The following MYH13 variants were observed in gnomAD, a reference collection of about 807,000 sequenced individuals.
MYH13 encodes the protein myosin-13.
A neutral mutation model predicts 232.1 loss-of-function variants in MYH13; 177 were observed. The ratio of observed to expected loss-of-function variants is 0.76; its 90% CI spans 0.67 to 0.86. MYH13 has a LOEUF of 0.86. Among genes scored for constraint, MYH13 ranks in the 40% least tolerant of loss-of-function variants. The pLI, the probability that MYH13 is intolerant of heterozygous loss-of-function variation, is 0.00. For synonymous variants in MYH13, 884 were observed against 923.5 expected, an observed-to-expected ratio of 0.96 and a Z score of 0.78; for missense variants, 2,246 against 2,405.9, an observed-to-expected ratio of 0.93 and a Z score of 1.39.
intron 15 of MYH13, among the ~76,000 whole-genome samples, chr17:10,344,378 CA>C (rs2071644184): frequency 6.6e-6 from 1 of 151,798 alleles, no homozygotes; most frequent in Non-Finnish European, 1.5e-5. Context: ...AATAGGTGTA[CA>C]AAAAAGTAAA....
chr17:10,350,724 G>A, intron 11 of MYH13, 30 bp from the exon 12 acceptor site: 1 of 1,613,124 alleles, frequency 6.2e-7, no homozygotes, highest in Non-Finnish European at 8.5e-7. Context: ...AACTGTCATA[G>A]CAGGAATCAG....
chr17:10,319,003 G>A lies in MYH13; in HGVS notation c.3525C>T (p.Phe1175=), dbSNP rs771620103. 1 of 1,614,076 alleles carries A rather than the reference G, an allele frequency of 6.2e-7. No homozygotes were observed. The highest frequency in any genetic ancestry group is 8.5e-7 in the Non-Finnish European group (1 of 1,180,026). ...CCTCCAGGTCCCTGCGCATTTTCTG[G>A]AACTCAGCCTCCCTCTTCTTGTTCA... ...IEMNKKREAE[F]QKMRRDLEEA... is the part of the protein sequence containing the mutation. Residue 1175 remains phenylalanine, a synonymous_variant, in exon 27 of 41, where the codon TTC becomes TTT. Transcript: ENST00000252172.
At chr17:10,320,275 T>G (rs954621971) in intron 25 of MYH13, 32 bp from the exon 26 acceptor site, 8 of 1,599,062 alleles carry the variant, frequency 5.0e-6, no homozygotes, top group East Asian at 4.5e-5. Context: ...ATAAAGAACA[T>G]GAAATACAAG....
chr17:10,321,651 T>C lies in MYH13; in HGVS notation c.2992A>G (p.Lys998Glu), dbSNP rs751253408. The C allele has an allele frequency of 5.0e-6, 8 of 1,613,736 alleles. No individual in the cohort carries two copies. The Admixed American group carries it at 8.3e-5, about 17-fold the overall frequency. ...ALEENISKLT[K>E]EKKSLQEAHQ... Reference sequence around the variant, plus strand: ...GCCTCCTGTAGAGATTTCTTTTCTTTGGTCAATTTGGAAATGTTTTCTTCA... The same window carrying C: ...GCCTCCTGTAGAGATTTCTTTTCTTCGGTCAATTTGGAAATGTTTTCTTCA... The change falls in exon 24 of 41, where the codon AAA (lysine) becomes GAA (glutamate). Residue 998 changes from lysine (K) to glutamate (E), a missense_variant. Physicochemically the swap from Lys to Glu is moderately conservative, Grantham distance 56. Transcript: ENST00000252172.
chr17:10,307,083 A>G lies in MYH13; in HGVS notation c.5170-19T>C. ...TTGTGTTCTACAAGAAGAATTAGAT[A>G]TCAGGGGTGTGGGTTCTATTGGGGC... On this transcript the variant is annotated intron_variant, in intron 35 of 40. Coordinates refer to ENST00000252172, the MANE Select transcript of MYH13 (RefSeq NM_003802.3). The G allele has an allele frequency of 2.5e-6, 4 of 1,613,090 alleles. No homozygotes were observed. Among genetic ancestry groups the G allele is most frequent in the Non-Finnish European group, 8.5e-7 (1 of 1,179,630 alleles).
intron 22 of MYH13, 123 bp downstream of exon 22, chr17:10,327,743 C>T: frequency 1.2e-5 from 15 of 1,258,038 alleles, no homozygotes; most frequent in Non-Finnish European, 1.5e-5. Context: ...CTGCAATACT[C>T]CACATGACCA....
intron 18 of MYH13, among the ~76,000 whole-genome samples, chr17:10,336,184 C>A (rs1220978404): frequency 6.6e-6 from 1 of 152,074 alleles, no homozygotes; most frequent in East Asian, 1.9e-4. Flanking sequence ...ACTCAGAATC[C>A]TGAGCTGAGT....
At chr17:10,340,074 A>C in intron 18 of MYH13, 76 bp downstream of exon 18, 1 of 1,277,752 alleles carries the variant, frequency 7.8e-7, no homozygotes, top group Non-Finnish European at 1.1e-6. Context: ...TTCCAAACGC[A>C]CACCCACAGA....
chr17:10,303,109 G>C, intron 39 of MYH13, 87 bp downstream of exon 39: 1 of 1,162,158 alleles, frequency 8.6e-7, no homozygotes, highest in African/African-American at 1.5e-5. Flanking sequence ...AGGCTCAGGG[G>C]ACTTTACCAA....
At chr17:10,347,879 G>A (rs920032871) in intron 12 of MYH13, among the ~76,000 whole-genome samples, 5 of 151,792 alleles carry the variant, frequency 3.3e-5, no homozygotes, top group East Asian at 1.9e-4. Context: ...CACCAGGCCC[G>A]GCTAATTTTT....
intron 15 of MYH13, among the ~76,000 whole-genome samples, chr17:10,344,820 CAAAAA>C (rs10566615): frequency 1.9e-5 from 1 of 53,478 alleles, no homozygotes. Context: ...GACTCCGTCT[CAAAAA>C]AAAAAAAAAA....
chr17:10,311,747 A>C (rs1467789252), intron 32 of MYH13, among the ~76,000 whole-genome samples, 164 bp downstream of exon 32: 1 of 152,224 alleles, frequency 6.6e-6, no homozygotes, highest in Non-Finnish European at 1.5e-5. Context: ...TTACATTAAA[A>C]AGGTCTGGGC....
At position 10,306,520 on chromosome 17, in the gene MYH13, T is replaced by C. The variant is rs377199586; in HGVS notation, c.5405A>G (p.Asp1802Gly). 29 of 1,614,008 alleles carry C rather than the reference T, an allele frequency of 1.8e-5. No homozygotes were observed. Among genetic ancestry groups the C allele is most frequent in the Non-Finnish European group, 2.4e-5 (28 of 1,180,034 alleles). Residue 1802 changes from aspartate (D) to glycine (G), a missense_variant, in exon 37 of 41, where the codon GAT (aspartate) becomes GGT (glycine). By Grantham distance (94) the Asp-to-Gly change is moderately conservative. Coordinates refer to ENST00000252172, the MANE Select transcript of MYH13 (RefSeq NM_003802.3). The surrounding 1 kb of genome is among the most constrained non-coding windows in gnomAD (Gnocchi z 4.3). ...CTTCAGCGCCAGTTGTTCAGCCTCA[T>C]CTAGACGGTGCTGCAGGTCCTTCAC... is the stretch of plus-strand genomic sequence containing the variant. ...QTVKDLQHRL[D>G]EAEQLALKGG... is the part of the protein sequence containing the mutation.
chr17:10,351,218 C>A (rs2071708069), intron 11 of MYH13, among the ~76,000 whole-genome samples: 3 of 20,698 alleles, frequency 1.4e-4, no homozygotes, highest in Admixed American at 5.5e-4. Flanking sequence ...GAGACTCCAT[C>A]TCAAAAAAAA....
chr17:10,320,566 C>T, intron 24 of MYH13, 70 bp from the exon 25 acceptor site: 1 of 1,525,264 alleles, frequency 6.6e-7, no homozygotes, highest in Non-Finnish European at 8.8e-7. Flanking sequence ...TCCAGTGTAG[C>T]CATACACGTG....
intron 5 of MYH13, among the ~76,000 whole-genome samples, chr17:10,361,068 A>G (rs1020708449): frequency 6.6e-6 from 1 of 152,184 alleles, no homozygotes; most frequent in African/African-American, 2.4e-5. Flanking sequence ...CTATTGTGTA[A>G]GCCCCCCAGT....
rs1311334545 is a variant in MYH13 at position 10,357,812 on chromosome 17, G to A, written c.661C>T (p.Gln221Ter). The A allele has an allele frequency of 6.2e-7, 1 of 1,613,652 alleles. No homozygotes were observed. Among genetic ancestry groups the A allele is most frequent in the Non-Finnish European group, 8.5e-7 (1 of 1,179,666 alleles). ...PGKMQGTLEDQIIQANPLLEA... is the reference protein window; with the variant it reads ...PGKMQGTLED ...AGCAGTGGGTTGGCCTGGATGATCT[G>A]ATCCTCTAGGGTTCCCTAATAATAA... is the stretch of plus-strand genomic sequence containing the variant. The change falls in exon 8 of 41, where the codon CAG becomes TAG. Residue 221 changes from glutamine (Q) to a stop codon, truncating the protein, a stop_gained. Transcript: ENST00000252172. LOFTEE classifies it high-confidence loss of function.
chr17:10,354,709 C>G lies in MYH13; in HGVS notation c.976G>C (p.Asp326His), dbSNP rs201107300. Reference sequence around the variant, plus strand: ...GTCGCCAGCAGTTCTTCACTGTCATCGATACTGGCTACCGTGACCTCTCCT... The same window carrying G: ...GTCGCCAGCAGTTCTTCACTGTCATGGATACTGGCTACCGTGACCTCTCCT... Reference protein sequence around the residue: ...SQGEVTVASIDDSEELLATDN... With the variant: ...SQGEVTVASIHDSEELLATDN... The change falls in exon 11 of 41, where the codon GAT becomes CAT. Residue 326 changes from aspartate to histidine, a missense_variant. Asp to His is a moderately conservative substitution (Grantham distance 81). Coordinates refer to ENST00000252172, the MANE Select transcript of MYH13 (RefSeq NM_003802.3). 6.2e-7 allele frequency: 1 copy of G among 1,613,846 alleles called. No individual in the cohort carries two copies.
In MYH13 at chr17:10,319,179, C is replaced by T. The variant is rs566940799; in HGVS notation, c.3349G>A (p.Ala1117Thr). The stretch of plus-strand genomic sequence containing the variant: ...TCCTCCTCCAGCTCTTCTATGCGGG[C>T]CTGAAAGGATTACTCTATCAGGAAT... ...QFQKKIKELQ[A>T]RIEELEEEIE... Residue 1117 changes from alanine to threonine, a missense_variant and splice_region_variant, in exon 27 of 41, where the codon GCC becomes ACC. Ala to Thr is a moderately conservative substitution (Grantham distance 58). Coordinates refer to ENST00000252172, the MANE Select transcript of MYH13 (RefSeq NM_003802.3). The T allele has an allele frequency of 6.2e-7, 1 of 1,612,548 alleles. No individual in the cohort carries two copies. Among genetic ancestry groups the T allele is most frequent in the South Asian group, 1.1e-5 (1 of 90,920 alleles).
Sources: allele counts gnomAD v4.1 joint callset (sites outside exome capture counted in the v4.1 genomes callset), GRCh38; gene constraint gnomAD v4.1.1; non-coding constraint Gnocchi (gnomAD v3.1); transcripts MANE v1.5; gene names NCBI Gene and HGNC (gene_info 2026-07-23, HGNC 2026-07-21).